The following ADORA1 variants were observed in gnomAD, a reference collection of about 807,000 sequenced individuals.
ADORA1 encodes the protein adenosine receptor A1.
Under a neutral mutation model 19.9 loss-of-function variants are expected in ADORA1, and 6 were observed. That is an observed-to-expected ratio of 0.30 (90% CI 0.17 to 0.59). The LOEUF is 0.59. Ranked by LOEUF, ADORA1 falls within the 20% of genes least tolerant of loss-of-function variation. ADORA1 has a pLI of 0.87. For missense variants in ADORA1, 302 were observed against 439.2 expected (o/e 0.69, Z 2.79); for synonymous variants, 194 against 188.4 (o/e 1.03, Z -0.24).
intron 3 of ADORA1, chr1:203,129,690 A>G (rs10920570): frequency 0.26 from 40,640 of 154,800 alleles, 6,148 homozygotes; most frequent in South Asian, 0.39. Context: ...TGGCTCTCTC[A>G]TTCACCAGGT....
At position 203,165,791 on chromosome 1, in the gene ADORA1, G is replaced by T. The variant is rs766823930; in HGVS notation, c.872G>T (p.Arg291Leu). 4 of 1,613,052 alleles carry T rather than the reference G, an allele frequency of 2.5e-6. No homozygotes were observed. Among genetic ancestry groups the T allele is most frequent in the Non-Finnish European group, 1.7e-6 (2 of 1,179,514 alleles). The change falls in exon 4 of 4, where the codon CGC becomes CTC. Residue 291 changes from arginine (R) to leucine (L), a missense_variant. Arg to Leu is a moderately radical substitution (Grantham distance 102). Coordinates refer to ENST00000337894, the MANE Select transcript of ADORA1 (RefSeq NM_000674.3). The surrounding 1 kb of genome is among the most constrained non-coding windows in gnomAD (Gnocchi z 5.9). ...ATGAACCCCATTGTCTATGCCTTCCGCATCCAGAAGTTCCGCGTCACCTTC... is the reference window on the plus strand; with the variant it reads ...ATGAACCCCATTGTCTATGCCTTCCTCATCCAGAAGTTCCGCGTCACCTTC... ...SAMNPIVYAF[R>L]IQKFRVTFLK...
At chr1:203,156,997 T>C (rs1165077071) in intron 3 of ADORA1, among the ~76,000 whole-genome samples, 6 of 152,268 alleles carry the variant, frequency 3.9e-5, no homozygotes, top group African/African-American at 1.4e-4. Context: ...TTGTTTCCAA[T>C]ATATGAGCTT....
intron 3 of ADORA1, among the ~76,000 whole-genome samples, chr1:203,155,213 T>C (rs1655161602): frequency 6.6e-6 from 1 of 152,078 alleles, no homozygotes; most frequent in Admixed American, 6.6e-5. Context: ...AGCCAGTTTT[T>C]GTATTTTTAG....
At chr1:203,154,626 A>T (rs1655137319) in intron 3 of ADORA1, among the ~76,000 whole-genome samples, 1 of 152,172 alleles carries the variant, frequency 6.6e-6, no homozygotes, top group Non-Finnish European at 1.5e-5. Flanking sequence ...ACTGCCTAGT[A>T]CACAGCTGGG....
Position 203,139,326 on chromosome 1 carries a change from C to T in ADORA1, c.341+10144C>T, listed in dbSNP as rs77406442. Among the ~76,000 whole-genome samples, 1,432 of 152,220 alleles carry T rather than the reference C, an allele frequency of 9.4e-3. 21 individuals carry two copies. The highest frequency in any genetic ancestry group is 0.032 in the African/African-American group (1,323 of 41,526). The stretch of plus-strand genomic sequence containing the variant: ...TGTGGCAACATGCGGCATCTGTGGG[C>T]GCAGATGCTGGTAGGTGAAGCTCTC... On this transcript the variant is annotated intron_variant, in intron 3 of 3. Coordinates refer to ENST00000337894, the MANE Select transcript of ADORA1 (RefSeq NM_000674.3).
At chr1:203,146,390 A>G (rs1032674246) in intron 3 of ADORA1, among the ~76,000 whole-genome samples, 1 of 152,096 alleles carries the variant, frequency 6.6e-6, no homozygotes, top group African/African-American at 2.4e-5. Context: ...ATACTTTCGG[A>G]GGCCAAGGTG....
chr1:203,136,181 C>T (rs534410616), intron 3 of ADORA1, among the ~76,000 whole-genome samples: 1 of 152,308 alleles, frequency 6.6e-6, no homozygotes, highest in South Asian at 2.1e-4. Context: ...CCAGAGGGAA[C>T]TATCAGCTGC....
intron 3 of ADORA1, among the ~76,000 whole-genome samples, chr1:203,138,759 G>A (rs1654587898): frequency 6.6e-6 from 1 of 152,150 alleles, no homozygotes. Context: ...GAGAGCAAAG[G>A]AATGGGGCAG....
intron 3 of ADORA1, among the ~76,000 whole-genome samples, chr1:203,161,375 T>G (rs553837504): frequency 1.3e-5 from 2 of 152,116 alleles, no homozygotes; most frequent in African/African-American, 4.8e-5. Flanking sequence ...GAGGTCGAAG[T>G]GGGAGAATTG....
intron 3 of ADORA1, among the ~76,000 whole-genome samples, chr1:203,152,249 G>A (rs1655060535): frequency 6.6e-6 from 1 of 152,214 alleles, no homozygotes; most frequent in South Asian, 2.1e-4. Flanking sequence ...TCCAAGGGAG[G>A]ACTGCCCTTC....
intron 3 of ADORA1, among the ~76,000 whole-genome samples, chr1:203,156,401 C>T (rs1386113151): frequency 6.6e-6 from 1 of 152,058 alleles, no homozygotes; most frequent in Non-Finnish European, 1.5e-5. Context: ...ATGAACCTTC[C>T]CAGACATTTC....
chr1:203,151,149 G>A (rs1655019820), intron 3 of ADORA1, among the ~76,000 whole-genome samples: 1 of 152,212 alleles, frequency 6.6e-6, no homozygotes, highest in Admixed American at 6.5e-5. Flanking sequence ...GGCAAGCCAA[G>A]AGATACTCTG....
intron 3 of ADORA1, among the ~76,000 whole-genome samples, chr1:203,151,437 A>C (rs1042969706): frequency 6.6e-6 from 1 of 152,216 alleles, no homozygotes; most frequent in Non-Finnish European, 1.5e-5. Context: ...TATGGAAACC[A>C]TGTGACTGGC....
intron 3 of ADORA1, among the ~76,000 whole-genome samples, chr1:203,134,120 T>A (rs1440747487): frequency 6.6e-6 from 1 of 152,116 alleles, no homozygotes; most frequent in Non-Finnish European, 1.5e-5. Context: ...GCTCAAACTC[T>A]CACACTTGCG....
intron 3 of ADORA1, among the ~76,000 whole-genome samples, chr1:203,146,967 G>T (rs1481960179): frequency 6.6e-6 from 1 of 152,330 alleles, no homozygotes; most frequent in Admixed American, 6.5e-5. Flanking sequence ...ATGATGAAGG[G>T]CCCAGGGAGA....
chr1:203,129,563 G>T, intron 3 of ADORA1: 1 of 206,120 alleles, frequency 4.9e-6, no homozygotes, highest in South Asian at 1.3e-4. Flanking sequence ...GGAAGAGGAA[G>T]AGGAAGAGGC....
intron 3 of ADORA1, among the ~76,000 whole-genome samples, chr1:203,132,863 TAAAAA>T (rs1654385488): frequency 6.6e-6 from 1 of 151,742 alleles, no homozygotes; most frequent in South Asian, 2.1e-4. Context: ...AATAAATAAA[TAAAAA>T]GAAAGAAATG....
intron 3 of ADORA1, among the ~76,000 whole-genome samples, chr1:203,131,413 C>A (rs1223978432): frequency 6.6e-6 from 1 of 152,220 alleles, no homozygotes; most frequent in African/African-American, 2.4e-5. Context: ...CTTCAGAATG[C>A]CCAGCTCAGT....
At chr1:203,139,612 G>A (rs1654616200) in intron 3 of ADORA1, among the ~76,000 whole-genome samples, 2 of 152,236 alleles carry the variant, frequency 1.3e-5, no homozygotes, top group African/African-American at 4.8e-5. Context: ...ATGGGCACAG[G>A]CATGGAAGAG....
Sources: allele counts gnomAD v4.1 joint callset (sites outside exome capture counted in the v4.1 genomes callset), GRCh38; gene constraint gnomAD v4.1.1; non-coding constraint Gnocchi (gnomAD v3.1); transcripts MANE v1.5; gene names NCBI Gene and HGNC (gene_info 2026-07-23, HGNC 2026-07-21).